Variants in TCF7L2 observed in about 807,000 individuals in gnomAD.
The protein encoded by TCF7L2 is transcription factor 7-like 2.
TCF7L2 carries 23 observed loss-of-function variants against 77.9 expected under a neutral mutation model. The observed-to-expected ratio is 0.30, with a 90% CI of 0.21 to 0.42. TCF7L2 has a LOEUF of 0.42. TCF7L2 is among the 10% of genes least tolerant of loss of function. The pLI is 1.00. For missense variants in TCF7L2, 654 were observed against 793.1 expected (o/e 0.82, Z 2.11); for synonymous variants, 413 against 340.2 (o/e 1.21, Z -2.36).
rs550113970 is a variant in TCF7L2, at chr10:112,994,260, C to T, written c.450+29636C>T. On this transcript the variant is annotated intron_variant, in intron 4 of 13. Transcript: ENST00000627217. ...CAGTCACTCCTCATTTCCTCTCCCC[C>T]CAGCCCCTGGCAATCACTGTGGATT... is the stretch of plus-strand genomic sequence containing the variant. 2.6e-5 allele frequency among the ~76,000 whole-genome samples: 4 copies of T among 152,276 alleles called. No homozygotes were observed. The South Asian group carries it at 8.3e-4, about 32-fold the overall frequency.
chr10:112,980,521 T>G (rs1401361348), intron 4 of TCF7L2, among the ~76,000 whole-genome samples: 1 of 152,168 alleles, frequency 6.6e-6, no homozygotes, highest in African/African-American at 2.4e-5. Context: ...GTCACGAAGT[T>G]CGGAACTAGA....
chr10:112,965,667 GTGTGTGTGT>G, intron 4 of TCF7L2, among the ~76,000 whole-genome samples: 1 of 141,618 alleles, frequency 7.1e-6, no homozygotes, highest in Non-Finnish European at 1.5e-5. Flanking sequence ...GTGTGTGTGT[GTGTGTGTGT>G]GGTCTTAGGT....
At chr10:113,051,203 CCACACACACACACA>C (rs55771704) in intron 5 of TCF7L2, among the ~76,000 whole-genome samples, 15 of 140,488 alleles carry the variant, frequency 1.1e-4, no homozygotes, top group East Asian at 6.3e-4. Context: ...TGCATACACA[CCACACACACACACA>C]CACACACACA....
chr10:113,106,776 T>TC (rs1382444045), intron 5 of TCF7L2, among the ~76,000 whole-genome samples: 1 of 152,266 alleles, frequency 6.6e-6, no homozygotes, highest in Non-Finnish European at 1.5e-5. Context: ...AACTAGTCTT[T>TC]CCCAGAGGAC....
intron 5 of TCF7L2, among the ~76,000 whole-genome samples, chr10:113,041,619 G>T (rs913952715): frequency 6.6e-6 from 1 of 152,212 alleles, no homozygotes; most frequent in Admixed American, 6.5e-5. Flanking sequence ...GTCAGGGACA[G>T]TGCATAGGTG....
In TCF7L2 at chr10:113,134,389, A is replaced by C. The variant is rs374425215; in HGVS notation, c.553-6795A>C. The stretch of plus-strand genomic sequence containing the variant: ...GGGATGGGACTGTCCATGCAGGCCT[A>C]GGCCTAGGTTGCACTGGCTGTGTCT... On this transcript the variant is annotated intron_variant, in intron 5 of 13. Coordinates refer to ENST00000627217, the MANE Select transcript of TCF7L2 (RefSeq NM_001146274.2). Among the ~76,000 whole-genome samples the C allele has an allele frequency of 2.6e-5, 4 of 152,240 alleles. No homozygotes were observed. The East Asian group carries it at 7.7e-4, about 29-fold the overall frequency.
intron 5 of TCF7L2, among the ~76,000 whole-genome samples, chr10:113,120,713 C>A (rs927089945): frequency 1.3e-5 from 2 of 152,126 alleles, no homozygotes; most frequent in Non-Finnish European, 2.9e-5. Context: ...CTAACAGCAC[C>A]AGTGTCACAG....
chr10:113,163,629 G>A (rs2073550052), intron 13 of TCF7L2, among the ~76,000 whole-genome samples: 1 of 152,074 alleles, frequency 6.6e-6, no homozygotes, highest in South Asian at 2.1e-4. Flanking sequence ...TTTCTGGGAT[G>A]GAAGCAGAAC....
intron 8 of TCF7L2, among the ~76,000 whole-genome samples, chr10:113,150,334 A>G (rs1373746487): frequency 1.3e-5 from 2 of 148,224 alleles, no homozygotes; most frequent in Non-Finnish European, 3.0e-5. Flanking sequence ...TTTTTTTTGC[A>G]TCTTTCCATA....
rs143386909 is a variant in TCF7L2, at chr10:113,157,221, C to T, written c.1270-800C>T. ...GCAACCTCCGCCTTCTGGGTTCAGG[C>T]GATTCTCCTGCCTCGGCCTCCCGAG... On this transcript the variant is annotated intron_variant, in intron 11 of 13. Coordinates refer to ENST00000627217, the MANE Select transcript of TCF7L2 (RefSeq NM_001146274.2). Among the ~76,000 whole-genome samples, 15 of 152,332 alleles carry T rather than the reference C, an allele frequency of 9.8e-5. No homozygotes were observed. The South Asian group carries it at 1.9e-3, about 19-fold the overall frequency.
At chr10:113,082,484 G>A (rs142536090) in intron 5 of TCF7L2, among the ~76,000 whole-genome samples, 60 of 152,188 alleles carry the variant, frequency 3.9e-4, no homozygotes, top group Admixed American at 1.2e-3. Context: ...GTTTTAACCA[G>A]CAAACACCTT....
intron 4 of TCF7L2, among the ~76,000 whole-genome samples, chr10:113,021,896 G>A (rs2048320191): frequency 6.6e-6 from 1 of 152,224 alleles, no homozygotes; most frequent in African/African-American, 2.4e-5. Context: ...GAAACAGGGT[G>A]CCAAGTGGCT....
chr10:113,127,340 G>T (rs1432734020), intron 5 of TCF7L2, among the ~76,000 whole-genome samples: 3 of 150,522 alleles, frequency 2.0e-5, no homozygotes, highest in African/African-American at 7.3e-5. Context: ...TAAAGAATCA[G>T]CATTTTGCTA....
chr10:113,095,923 C>T (rs1019805906), intron 5 of TCF7L2, among the ~76,000 whole-genome samples: 2 of 152,104 alleles, frequency 1.3e-5, no homozygotes, highest in Non-Finnish European at 2.9e-5. Context: ...TCGTGAGTCA[C>T]GTATTTTCTT....
chr10:113,165,520 C>G, intron 13 of TCF7L2, 35 bp from the exon 15 acceptor site: 1 of 1,604,094 alleles, frequency 6.2e-7, no homozygotes, highest in African/African-American at 1.3e-5. Context: ...CATCTGTGCC[C>G]TCTATTCACA....
intron 5 of TCF7L2, among the ~76,000 whole-genome samples, chr10:113,072,519 T>A (rs1378795887): frequency 6.6e-6 from 1 of 151,994 alleles, no homozygotes; most frequent in Non-Finnish European, 1.5e-5. Context: ...CGCCTCCAGC[T>A]AATTTTTGTA....
At chr10:113,073,144 G>GAGAC (rs1469746108) in intron 5 of TCF7L2, among the ~76,000 whole-genome samples, 12 of 150,974 alleles carry the variant, frequency 7.9e-5, no homozygotes, top group Non-Finnish European at 3.0e-5. Context: ...GAGAGAGAGA[G>GAGAC]AGAGAGACAG....
At chr10:113,060,887 T>G (rs2056331167) in intron 5 of TCF7L2, among the ~76,000 whole-genome samples, 1 of 152,070 alleles carries the variant, frequency 6.6e-6, no homozygotes, top group African/African-American at 2.4e-5. Context: ...GACGATGACC[T>G]AGTAGCCACC....
chr10:113,071,845 C>G (rs1379310589), intron 5 of TCF7L2, among the ~76,000 whole-genome samples: 3 of 152,072 alleles, frequency 2.0e-5, no homozygotes, highest in Admixed American at 2.0e-4. Flanking sequence ...TTGGAGGACT[C>G]CCCCCCACCC....
Sources: gnomAD v4.1 joint callset for allele counts (sites outside exome capture counted in the v4.1 genomes callset) on GRCh38, gnomAD v4.1.1 for gene constraint, MANE v1.5 for transcripts, NCBI Gene and HGNC (gene_info 2026-07-23, HGNC 2026-07-21) for gene names.